The following LUZP2 variants were observed in gnomAD, a reference collection of about 807,000 sequenced individuals.
LUZP2 encodes the protein leucine zipper protein 2.
A neutral mutation model predicts 51.6 loss-of-function variants in LUZP2; 52 were observed. The ratio of observed to expected loss-of-function variants is 1.01; its 90% CI spans 0.81 to 1.27. LUZP2 has a LOEUF of 1.27. LUZP2 is among the 50% of genes most tolerant of loss of function. LUZP2 has a pLI of 0.00. For synonymous variants in LUZP2, 154 were observed against 137.3 expected (o/e 1.12, Z -0.85); for missense variants, 436 against 395.4 (o/e 1.10, Z -0.87).
chr11:24,714,237 C>A (rs1857950704), intron 1 of LUZP2, among the ~76,000 whole-genome samples: 2 of 152,020 alleles, frequency 1.3e-5, no homozygotes, highest in African/African-American at 2.4e-5. Context: ...TGCAGCAAAC[C>A]ACCATGGCAC....
chr11:24,819,819 G>A (rs775591233), intron 5 of LUZP2, among the ~76,000 whole-genome samples: 1 of 151,948 alleles, frequency 6.6e-6, no homozygotes, highest in Non-Finnish European at 1.5e-5. Context: ...TTACAGTTGT[G>A]TACATTTAAA....
At chr11:25,036,199 T>C (rs1429396586) in intron 9 of LUZP2, among the ~76,000 whole-genome samples, 1 of 152,152 alleles carries the variant, frequency 6.6e-6, no homozygotes, top group African/African-American at 2.4e-5. Context: ...ATTAAATTAT[T>C]GGGAAATTTC....
chr11:24,994,210 T>G (rs960194580), intron 9 of LUZP2, among the ~76,000 whole-genome samples: 16 of 147,646 alleles, frequency 1.1e-4, no homozygotes, highest in Admixed American at 1.0e-3. Context: ...TTAATAAGAC[T>G]TTGCCTAGTG....
At chr11:25,046,893 G>A (rs1338747924) in intron 9 of LUZP2, among the ~76,000 whole-genome samples, 2 of 152,158 alleles carry the variant, frequency 1.3e-5, no homozygotes, top group Admixed American at 6.6e-5. Context: ...AATTGTGACT[G>A]TGTAAGATAT....
At chr11:24,963,781 G>A (rs552765277) in intron 7 of LUZP2, among the ~76,000 whole-genome samples, 13 of 152,148 alleles carry the variant, frequency 8.5e-5, no homozygotes, top group East Asian at 7.8e-4. Context: ...ACTGACCTGC[G>A]CCCACTGTCT....
intron 3 of LUZP2, among the ~76,000 whole-genome samples, chr11:24,733,475 T>C (rs573718696): frequency 1.3e-5 from 2 of 151,668 alleles, no homozygotes; most frequent in Non-Finnish European, 1.5e-5. Context: ...TGTGACAACA[T>C]GGATGAACCT....
chr11:24,633,746 T>C (rs1854971928), intron 1 of LUZP2, among the ~76,000 whole-genome samples: 1 of 151,950 alleles, frequency 6.6e-6, no homozygotes, highest in Non-Finnish European at 1.5e-5. Flanking sequence ...TGAATTAATA[T>C]CTCAAGAGGT....
intron 5 of LUZP2, among the ~76,000 whole-genome samples, chr11:24,896,833 G>C (rs917680120): frequency 1.3e-5 from 2 of 152,188 alleles, no homozygotes; most frequent in Non-Finnish European, 2.9e-5. Flanking sequence ...AGCACTCTGT[G>C]TCTAGCTGAA....
intron 4 of LUZP2, among the ~76,000 whole-genome samples, chr11:24,750,751 G>A (rs1436680264): frequency 6.6e-6 from 1 of 151,982 alleles, no homozygotes; most frequent in Non-Finnish European, 1.5e-5. Flanking sequence ...AACCATTATT[G>A]TAGAAATGCA....
intron 5 of LUZP2, among the ~76,000 whole-genome samples, chr11:24,779,998 A>G (rs1434636887): frequency 6.6e-6 from 1 of 152,142 alleles, no homozygotes; most frequent in Non-Finnish European, 1.5e-5. Context: ...GGGCCTCTGG[A>G]GGGAGCTCAA....
chr11:24,762,072 G>T (rs539593093), intron 4 of LUZP2, among the ~76,000 whole-genome samples: 2 of 116,256 alleles, frequency 1.7e-5, no homozygotes, highest in South Asian at 3.4e-4. Context: ...AATGTGTAGG[G>T]TTAGCCCACA....
At chr11:25,023,824 C>T (rs745779122) in intron 9 of LUZP2, among the ~76,000 whole-genome samples, 3 of 151,988 alleles carry the variant, frequency 2.0e-5, no homozygotes, top group Admixed American at 6.6e-5. Flanking sequence ...AGAGATTCTG[C>T]TATGTTGTGT....
intron 1 of LUZP2, among the ~76,000 whole-genome samples, chr11:24,601,956 ATATATG>A (rs1853669236): frequency 7.5e-6 from 1 of 132,476 alleles, no homozygotes; most frequent in African/African-American, 3.0e-5. Context: ...GTATAAATGT[ATATATG>A]TATATATGTG....
intron 5 of LUZP2, among the ~76,000 whole-genome samples, chr11:24,893,780 AC>A (rs2133763335): frequency 6.7e-6 from 1 of 148,564 alleles, no homozygotes; most frequent in Non-Finnish European, 1.5e-5. Flanking sequence ...ACGCACACAC[AC>A]ACACACACAC....
chr11:24,509,279 G>A (rs75745973), intron 1 of LUZP2, among the ~76,000 whole-genome samples: 4 of 151,954 alleles, frequency 2.6e-5, no homozygotes, highest in Admixed American at 6.6e-5. Context: ...TTAGAAAGTC[G>A]TTTGGCTGGA....
chr11:24,691,765 T>C (rs1023794490), intron 1 of LUZP2, among the ~76,000 whole-genome samples: 29 of 152,138 alleles, frequency 1.9e-4, no homozygotes, highest in Non-Finnish European at 3.5e-4. Context: ...AATATTTATA[T>C]GTGTGATGTC....
At chr11:24,551,893 C>T (rs1851735291) in intron 1 of LUZP2, among the ~76,000 whole-genome samples, 1 of 151,784 alleles carries the variant, frequency 6.6e-6, no homozygotes, top group East Asian at 1.9e-4. Flanking sequence ...TCACATATGT[C>T]ACCTCCCCAT....
intron 4 of LUZP2, among the ~76,000 whole-genome samples, chr11:24,752,571 T>C (rs1859632679): frequency 6.6e-6 from 1 of 152,130 alleles, no homozygotes; most frequent in Non-Finnish European, 1.5e-5. Context: ...GAAAATATGA[T>C]TGGAGTGAGG....
At chr11:24,597,489 T>C (rs1229610518) in intron 1 of LUZP2, among the ~76,000 whole-genome samples, 2 of 152,174 alleles carry the variant, frequency 1.3e-5, no homozygotes, top group African/African-American at 4.8e-5. Flanking sequence ...GTTTTAAAGA[T>C]TGTTGAGTGC....
Sources: gnomAD v4.1 joint callset for allele counts (sites outside exome capture counted in the v4.1 genomes callset) on GRCh38, gnomAD v4.1.1 for gene constraint, MANE v1.5 for transcripts, NCBI Gene and HGNC (gene_info 2026-07-23, HGNC 2026-07-21) for gene names.